MRTFA: variants seen among roughly 807,000 people sequenced by gnomAD.
The protein encoded by MRTFA is myocardin related transcription factor A, also known as myocardin-related transcription factor A.
MRTFA carries 20 observed loss-of-function variants against 83.5 expected under a neutral mutation model. That is an observed-to-expected ratio of 0.24 (90% confidence interval 0.17 to 0.35). The LOEUF (loss-of-function observed/expected upper bound fraction) is 0.35, where lower values mean the gene tolerates loss of function less well. MRTFA is among the 10% of genes least tolerant of loss of function. The pLI is 1.00. For synonymous variants in MRTFA, 659 were observed against 541.2 expected, an observed-to-expected ratio of 1.22 and a Z score of -3.02; for missense variants, 1,200 against 1,224.7, an observed-to-expected ratio of 0.98 and a Z score of 0.30.
intron 5 of MRTFA, among the ~76,000 whole-genome samples, chr22:40,434,812 G>C (rs1362087372): frequency 2.0e-5 from 3 of 152,194 alleles, no homozygotes. Context: ...GATTTTATGT[G>C]AAAGGAAAAA....
intron 3 of MRTFA, among the ~76,000 whole-genome samples, chr22:40,493,286 C>T (rs1169442810): frequency 6.6e-6 from 1 of 152,222 alleles, no homozygotes; most frequent in Non-Finnish European, 1.5e-5. Context: ...CCATATTCTT[C>T]TCCCTACAAG....
In MRTFA at chr22:40,411,612, C is replaced by T. The variant is rs538107883; in HGVS notation, c.2874G>A (p.Pro958=). The T allele has an allele frequency of 6.8e-5, 109 of 1,613,598 alleles. 1 individual carries two copies. In the South Asian group the frequency reaches 9.9e-4, roughly 15 times the overall value. ...GCAATTCCGAGGTGTCCATGGGTGA[C>T]GGGGGGTGGTCCAGGATGGCAGTGC... The change falls in exon 15 of 15, where the codon CCG becomes CCA. Residue 958 remains proline, a synonymous_variant. Coordinates refer to ENST00000355630, the MANE Select transcript of MRTFA (RefSeq NM_020831.6).
chr22:40,531,262 CTTTTTTTTT>C (rs397868211), intron 3 of MRTFA, among the ~76,000 whole-genome samples: 1 of 108,110 alleles, frequency 9.2e-6, no homozygotes, highest in African/African-American at 3.4e-5. Flanking sequence ...TCATACCTGG[CTTTTTTTTT>C]TTTTTTTTTT....
chr22:40,484,112 C>CA (rs940446151), intron 3 of MRTFA, among the ~76,000 whole-genome samples: 1 of 151,142 alleles, frequency 6.6e-6, no homozygotes, highest in African/African-American at 2.4e-5. Flanking sequence ...ATTAGATAGA[C>CA]AAACAATCTG....
rs1349805728 is a variant in MRTFA at position 40,420,277 on chromosome 22, C to T, written c.1353+128G>A. On this transcript the variant is annotated intron_variant, in intron 11 of 14. Transcript: ENST00000355630. ...GTCTGATGGGGACCAGAGCCTAAAGCCCTGCTCTGCTTTCCATGACGGTGG... is the reference window on the plus strand; with the variant it reads ...GTCTGATGGGGACCAGAGCCTAAAGTCCTGCTCTGCTTTCCATGACGGTGG... The T allele has an allele frequency of 2.7e-6, 3 of 1,106,812 alleles. No homozygotes were observed. In the African/African-American group the frequency reaches 4.7e-5, roughly 17 times the overall value. The allele number at this position is 1,106,812 out of a possible 1,614,324, so 68.6% of individuals were successfully genotyped here. A position where few individuals can be genotyped will look rare whatever the true frequency, so the allele number is the denominator to read the frequency against.
At chr22:40,519,068 GT>G (rs759893828) in intron 3 of MRTFA, among the ~76,000 whole-genome samples, 1 of 151,008 alleles carries the variant, frequency 6.6e-6, no homozygotes, top group Non-Finnish European at 1.5e-5. Context: ...CCAGAGTGTA[GT>G]GGCAGGATCT....
intron 3 of MRTFA, among the ~76,000 whole-genome samples, chr22:40,495,022 C>T (rs934845316): frequency 4.6e-5 from 7 of 151,882 alleles, no homozygotes; most frequent in African/African-American, 1.7e-4. Flanking sequence ...TGCATATAAA[C>T]TGATCTCAAC....
chr22:40,418,662 G>C lies in MRTFA; in HGVS notation c.2076C>G (p.Gly692=), dbSNP rs538333988. The change falls in exon 12 of 15, where the codon GGC becomes GGG. Residue 692 remains glycine (G), a synonymous_variant. Coordinates refer to ENST00000355630, the MANE Select transcript of MRTFA (RefSeq NM_020831.6). Reference sequence around the variant, plus strand: ...GGCTGGGGTTGAATGGGTGAGCGGGGCCCAGGGGCTGCTGGCTCAGCTGGC... The same window carrying C: ...GGCTGGGGTTGAATGGGTGAGCGGGCCCCAGGGGCTGCTGGCTCAGCTGGC... 4.1e-6 allele frequency: 6 copies of C among 1,452,090 alleles called. No individual in the cohort carries two copies. The highest frequency in any genetic ancestry group is 5.5e-6 in the Non-Finnish European group (6 of 1,100,872). The allele number at this position is 1,452,090 out of a possible 1,614,324, so 90.0% of individuals were successfully genotyped here.
At chr22:40,488,205 T>C (rs2147196564) in intron 3 of MRTFA, among the ~76,000 whole-genome samples, 1 of 152,202 alleles carries the variant, frequency 6.6e-6, no homozygotes, top group Admixed American at 6.5e-5. Context: ...CTTCATAAAC[T>C]AGAGATGAAC....
Position 40,419,223 on chromosome 22 carries a change from C to T in MRTFA, c.1515G>A (p.Glu505=). 6.2e-7 allele frequency: 1 copy of T among 1,605,044 alleles called. No homozygotes were observed. Among genetic ancestry groups the T allele is most frequent in the Non-Finnish European group, 8.5e-7 (1 of 1,175,950 alleles). The change falls in exon 12 of 15, where the codon GAG becomes GAA. Residue 505 remains glutamate (E), a synonymous_variant. Transcript: ENST00000355630. ...GGGCCGCTGGGAAGGCTACCACCAC[C>T]TCGCCAGCCTTGTGCAGGATAGAGG...
intron 1 of MRTFA, among the ~76,000 whole-genome samples, chr22:40,618,125 A>C (rs1456713680): frequency 6.6e-6 from 1 of 150,578 alleles, no homozygotes; most frequent in African/African-American, 2.5e-5. Flanking sequence ...CCCAGGCTGG[A>C]GCACACTGGC....
At chr22:40,441,226 T>C (rs2053268200) in intron 4 of MRTFA, among the ~76,000 whole-genome samples, 2 of 152,032 alleles carry the variant, frequency 1.3e-5, no homozygotes, top group Admixed American at 1.3e-4. Context: ...GTGCAGAAAA[T>C]CCTGAAAGGA....
intron 3 of MRTFA, among the ~76,000 whole-genome samples, chr22:40,484,636 C>G (rs905289335): frequency 6.6e-6 from 1 of 152,134 alleles, no homozygotes; most frequent in Non-Finnish European, 1.5e-5. Context: ...ACGAAACAAA[C>G]CTGCATTAAG....
At chr22:40,540,030 C>T (rs2055263846) in intron 3 of MRTFA, among the ~76,000 whole-genome samples, 1 of 151,684 alleles carries the variant, frequency 6.6e-6, no homozygotes, top group Non-Finnish European at 1.5e-5. Flanking sequence ...CCATCTCAGC[C>T]TCCCAAGTAG....
chr22:40,432,075 GTC>G (rs1470142825), intron 5 of MRTFA, among the ~76,000 whole-genome samples: 2 of 152,034 alleles, frequency 1.3e-5, no homozygotes, highest in Admixed American at 6.6e-5. Flanking sequence ...GTGAAACCCT[GTC>G]TCTACTAAAA....
In MRTFA at chr22:40,418,643, G is replaced by A; in HGVS notation, c.2095C>T (p.Pro699Ser). ...TTGGTGGCTGGGGCCGCCAGGCTGG[G>A]GTTGAATGGGTGAGCGGGGCCCAGG... The change falls in exon 12 of 15, where the codon CCC becomes TCC. Residue 699 changes from proline to serine, a missense_variant. Physicochemically the swap from Pro to Ser is moderately conservative, Grantham distance 74. Transcript: ENST00000355630. 2 of 1,529,978 alleles carry A rather than the reference G, an allele frequency of 1.3e-6. No individual in the cohort carries two copies. The highest frequency in any genetic ancestry group is 1.3e-5 in the South Asian group (1 of 77,468). 94.8% of individuals were successfully genotyped at this position (1,529,978 alleles called of 1,614,324 possible).
At chr22:40,568,066 T>C (rs1243474957) in intron 2 of MRTFA, among the ~76,000 whole-genome samples, 1 of 152,148 alleles carries the variant, frequency 6.6e-6, no homozygotes, top group East Asian at 1.9e-4. Context: ...CAGAGGAAAG[T>C]GTATATTCAA....
chr22:40,519,330 T>G (rs886671330), intron 3 of MRTFA: 30 of 944,964 alleles, frequency 3.2e-5, no homozygotes, highest in Non-Finnish European at 4.4e-5. Context: ...ATGGTCCTTC[T>G]CACTTAGAGA....
chr22:40,480,467 C>T (rs911272209), intron 3 of MRTFA, among the ~76,000 whole-genome samples: 4 of 151,886 alleles, frequency 2.6e-5, no homozygotes, highest in African/African-American at 7.3e-5. Flanking sequence ...GCATGACATG[C>T]TGATATGGAT....
Sources: allele counts gnomAD v4.1 joint callset (sites outside exome capture counted in the v4.1 genomes callset), GRCh38; gene constraint gnomAD v4.1.1; transcripts MANE v1.5; gene names NCBI Gene and HGNC (gene_info 2026-07-23, HGNC 2026-07-21).